Variants in GPR63 observed in about 807,000 individuals in gnomAD.
The protein encoded by GPR63 is G protein-coupled receptor 63.
A neutral mutation model predicts 23.1 loss-of-function variants in GPR63; 12 were observed. That is an observed-to-expected ratio of 0.52 (90% CI 0.33 to 0.84). The LOEUF is 0.84. Ranked by LOEUF, GPR63 falls within the 40% of genes least tolerant of loss-of-function variation. The pLI is 0.02. For synonymous variants in GPR63, 172 were observed against 191.1 expected (o/e 0.90, Z 0.82); for missense variants, 472 against 515.6 (o/e 0.92, Z 0.82).
At chr6:96,829,849 A>G (rs1236636725) in intron 1 of GPR63, among the ~76,000 whole-genome samples, 2 of 152,182 alleles carry the variant, frequency 1.3e-5, no homozygotes, top group Non-Finnish European at 2.9e-5. Context: ...ACCTAAAAAC[A>G]TTGAAAAAAA....
chr6:96,815,040 T>C (rs750003785), intron 1 of GPR63, among the ~76,000 whole-genome samples: 3 of 152,228 alleles, frequency 2.0e-5, no homozygotes, highest in Non-Finnish European at 4.4e-5. Flanking sequence ...TGAAGAATGT[T>C]TTAGATTTTC....
intron 1 of GPR63, among the ~76,000 whole-genome samples, chr6:96,833,859 G>A (rs1774654185): frequency 6.6e-6 from 1 of 151,936 alleles, no homozygotes; most frequent in Non-Finnish European, 1.5e-5. Context: ...TAATTCTTTA[G>A]CATATCACTC....
At chr6:96,817,561 T>C (rs981247090) in intron 1 of GPR63, among the ~76,000 whole-genome samples, 2 of 152,164 alleles carry the variant, frequency 1.3e-5, no homozygotes, top group Non-Finnish European at 2.9e-5. Flanking sequence ...AGTATATTCC[T>C]AGAAGCATTA....
At chr6:96,819,646 C>A (rs1774251771) in intron 1 of GPR63, among the ~76,000 whole-genome samples, 1 of 150,044 alleles carries the variant, frequency 6.7e-6, no homozygotes, top group Admixed American at 6.7e-5. Context: ...AATAAACCTG[C>A]ATGTTCTGCA....
At position 96,794,960 on chromosome 6, in the gene GPR63, T is replaced by A. The variant is rs1773545659; in HGVS notation, c.*3512A>T. ...TGGATTACCCATGCCTAGAAGATAATGGCTTGCAACACGAAACAAACATTG... is the reference window on the plus strand; with the variant it reads ...TGGATTACCCATGCCTAGAAGATAAAGGCTTGCAACACGAAACAAACATTG... On this transcript the variant is annotated 3_prime_UTR_variant, in exon 2 of 2. Coordinates refer to ENST00000229955, the MANE Select transcript of GPR63 (RefSeq NM_030784.4). 6.6e-6 allele frequency: 1 copy of A among 152,188 alleles called. No homozygotes were observed. The highest frequency in any genetic ancestry group is 2.1e-4 in the South Asian group (1 of 4,828). The allele number at this position is 152,188 out of a possible 1,614,324, so 9.4% of individuals were successfully genotyped here.
At chr6:96,807,908 G>A (rs1439785845) in intron 1 of GPR63, among the ~76,000 whole-genome samples, 1 of 152,110 alleles carries the variant, frequency 6.6e-6, no homozygotes, top group Non-Finnish European at 1.5e-5. Context: ...ATGATGGAAC[G>A]ATTGCACAGA....
chr6:96,825,332 A>G (rs1774413632), intron 1 of GPR63, among the ~76,000 whole-genome samples: 1 of 152,112 alleles, frequency 6.6e-6, no homozygotes, highest in African/African-American at 2.4e-5. Flanking sequence ...AAAAAATCAG[A>G]CTTGAACATA....
At chr6:96,810,331 A>G (rs771517112) in intron 1 of GPR63, among the ~76,000 whole-genome samples, 5 of 152,110 alleles carry the variant, frequency 3.3e-5, no homozygotes, top group Non-Finnish European at 7.4e-5. Flanking sequence ...CTCTGTCTCT[A>G]TTAAAAATAC....
intron 1 of GPR63, among the ~76,000 whole-genome samples, chr6:96,815,901 T>C (rs902722626): frequency 1.3e-5 from 2 of 152,206 alleles, no homozygotes; most frequent in Non-Finnish European, 2.9e-5. Context: ...TGCTCTTCTC[T>C]CTACATTATT....
intron 1 of GPR63, among the ~76,000 whole-genome samples, chr6:96,802,706 A>ATTTTTT (rs370548140): frequency 6.9e-6 from 1 of 144,746 alleles, no homozygotes. Flanking sequence ...TGCCCAGCTA[A>ATTTTTT]TTTTTTTTTT....
At chr6:96,827,422 T>A (rs188540340) in intron 1 of GPR63, among the ~76,000 whole-genome samples, 279 of 152,208 alleles carry the variant, frequency 1.8e-3, no homozygotes, top group Non-Finnish European at 2.0e-3. Context: ...AGACATGGAA[T>A]TGGAGTTCCA....
intron 1 of GPR63, among the ~76,000 whole-genome samples, chr6:96,831,783 G>A (rs912946082): frequency 1.3e-5 from 2 of 151,996 alleles, no homozygotes; most frequent in Non-Finnish European, 2.9e-5. Flanking sequence ...ATCGGCACCA[G>A]TAATCCCAGG....
At chr6:96,824,076 A>G (rs1294071236) in intron 1 of GPR63, among the ~76,000 whole-genome samples, 2 of 152,162 alleles carry the variant, frequency 1.3e-5, no homozygotes, top group Non-Finnish European at 2.9e-5. Flanking sequence ...CACTAAGATG[A>G]ATCTCTAAGT....
chr6:96,814,265 CAGT>C (rs1471983733), intron 1 of GPR63, among the ~76,000 whole-genome samples: 2 of 152,014 alleles, frequency 1.3e-5, no homozygotes, highest in Non-Finnish European at 2.9e-5. Flanking sequence ...AGCTGGTAAA[CAGT>C]AGAGCGAGGA....
At position 96,797,429 on chromosome 6, in the gene GPR63, A is replaced by G. The variant is rs1773618468; in HGVS notation, c.*1043T>C. 6.6e-6 allele frequency: 1 copy of G among 152,238 alleles called. No homozygotes were observed. Among genetic ancestry groups the G allele is most frequent in the Non-Finnish European group, 1.5e-5 (1 of 68,050 alleles). 9.4% of individuals were successfully genotyped at this position (152,238 alleles called of 1,614,324 possible). The stretch of plus-strand genomic sequence containing the variant: ...ACTGAATGAACTGTCTGCGTGGCAC[A>G]GTGGAACAGCGCAGTCTCAGGATTC... On this transcript the variant is annotated 3_prime_UTR_variant, in exon 2 of 2. Transcript: ENST00000229955.
chr6:96,829,853 A>G (rs868133030), intron 1 of GPR63, among the ~76,000 whole-genome samples: 50 of 152,148 alleles, frequency 3.3e-4, no homozygotes, highest in African/African-American at 1.1e-3. Flanking sequence ...AAAAACATTG[A>G]AAAAAAAGAG....
At chr6:96,813,709 T>C (rs1774096536) in intron 1 of GPR63, among the ~76,000 whole-genome samples, 1 of 152,214 alleles carries the variant, frequency 6.6e-6, no homozygotes. Flanking sequence ...CTAGATTATC[T>C]AACGCTGAGA....
At chr6:96,813,529 T>G (rs1423159689) in intron 1 of GPR63, among the ~76,000 whole-genome samples, 1 of 152,238 alleles carries the variant, frequency 6.6e-6, no homozygotes, top group East Asian at 1.9e-4. Flanking sequence ...GCAAAGATAC[T>G]TGATATGCTT....
chr6:96,836,646 A>C (rs1276493421), intron 1 of GPR63, among the ~76,000 whole-genome samples: 1 of 152,098 alleles, frequency 6.6e-6, no homozygotes, highest in African/African-American at 2.4e-5. Context: ...TTTATTATTA[A>C]AAAGAAGAAT....
Sources: gnomAD v4.1 joint callset for allele counts (sites outside exome capture counted in the v4.1 genomes callset) on GRCh38, gnomAD v4.1.1 for gene constraint, MANE v1.5 for transcripts, NCBI Gene and HGNC (gene_info 2026-07-23, HGNC 2026-07-21) for gene names.